ZNF117: variants seen among roughly 807,000 people sequenced by gnomAD.
ZNF117 encodes Krueppel-related zinc finger protein.
In ZNF117, 37 loss-of-function variants were observed where a neutral mutation model predicts 41.2. That is an observed-to-expected ratio of 0.90 (90% CI 0.69 to 1.18). The LOEUF is 1.18. ZNF117 is among the 50% of genes most tolerant of loss of function. The pLI is 0.00. For synonymous variants in ZNF117, 186 were observed against 186.6 expected (o/e 1.00, Z 0.02); for missense variants, 546 against 557.5 (o/e 0.98, Z 0.21).
chr7:64,978,049 T>C, exon 3 of ZNF117: 1 of 1,496,630 alleles, frequency 6.7e-7, no homozygotes, highest in East Asian at 2.3e-5. Context: ...TTAGAAGTTT[T>C]GCCACATTCT....
downstream of ZNF117, chr7:64,972,763 G>A (rs971794191): frequency 1.3e-5 from 2 of 152,028 alleles, no homozygotes; most frequent in African/African-American, 4.8e-5. Context: ...TAATGTAGTT[G>A]TGTTTTTGAA....
chr7:64,985,368 T>G (rs1272791882), upstream of ZNF117, among the ~76,000 whole-genome samples: 2 of 152,256 alleles, frequency 1.3e-5, no homozygotes, highest in Admixed American at 6.5e-5. Flanking sequence ...TCAAAGGAAC[T>G]TAGTATCTTT....
exon 3 of ZNF117, chr7:64,975,334 T>C (rs1785860709): frequency 7.3e-6 from 1 of 137,058 alleles, no homozygotes; most frequent in African/African-American, 2.7e-5. Context: ...CTAATTTTAA[T>C]TTAATTTTAA....
At chr7:64,987,490 A>G (rs1271094581) in intron 1 of ZNF117, among the ~76,000 whole-genome samples, 1 of 152,222 alleles carries the variant, frequency 6.6e-6, no homozygotes, top group East Asian at 1.9e-4. Context: ...ACAAAAGATC[A>G]AGAAATCCAG....
At chr7:64,989,470 T>C (rs1220778481) in intron 1 of ZNF117, among the ~76,000 whole-genome samples, 4 of 106,646 alleles carry the variant, frequency 3.8e-5, no homozygotes, top group South Asian at 3.2e-4. Flanking sequence ...TATATATATA[T>C]ATATATATAT....
intron 1 of ZNF117, among the ~76,000 whole-genome samples, chr7:64,988,567 T>A (rs1786184239): frequency 6.6e-6 from 1 of 152,072 alleles, no homozygotes; most frequent in Non-Finnish European, 1.5e-5. Context: ...CTCTCACCAC[T>A]CCTATTCAAC....
chr7:64,987,117 T>C (rs1417555742), upstream of ZNF117, among the ~76,000 whole-genome samples: 1 of 152,048 alleles, frequency 6.6e-6, no homozygotes, highest in Non-Finnish European at 1.5e-5. Context: ...CACAACTTGA[T>C]ACAAATATAA....
Position 64,990,399 on chromosome 7 carries a change from C to T in ZNF117, c.-648G>A, listed in dbSNP as rs147318724. ...TTTATTTAGGTGGCCACTGGCCCAG[C>T]GGATTAACATCCAAAGGCTGAGCCC... On this transcript the variant is annotated 5_prime_UTR_variant, in exon 1 of 4. Transcript: ENST00000282869. 1.9e-3 allele frequency: 348 copies of T among 184,874 alleles called. 1 individual carries two copies. Among genetic ancestry groups the T allele is most frequent in the African/African-American group, 6.3e-3 (264 of 41,692 alleles). The allele number at this position is 184,874 out of a possible 1,614,324, so 11.5% of individuals were successfully genotyped here. A position where few individuals can be genotyped will look rare whatever the true frequency, so the allele number is the denominator to read the frequency against.
upstream of ZNF117, among the ~76,000 whole-genome samples, chr7:64,986,457 G>T (rs542545820): frequency 6.6e-6 from 1 of 152,206 alleles, no homozygotes; most frequent in South Asian, 2.1e-4. Flanking sequence ...AAAAATGCAG[G>T]TAATCTGCAT....
At chr7:64,977,816 G>A in exon 3 of ZNF117, 1 of 1,061,004 alleles carries the variant, frequency 9.4e-7, no homozygotes, top group Non-Finnish European at 1.4e-6. Flanking sequence ...CTTCACATTT[G>A]TAGGGTTTCT....
At chr7:64,976,743 C>G (rs12530729) in exon 3 of ZNF117, 137,878 of 356,128 alleles carry the variant, frequency 0.39, 27,345 homozygotes, top group African/African-American at 0.43. Context: ...AGATTTCTCA[C>G]CAGTATGATT....
chr7:64,975,023 C>A (rs1028565551), exon 3 of ZNF117: 1 of 151,652 alleles, frequency 6.6e-6, no homozygotes, highest in Non-Finnish European at 1.5e-5. Flanking sequence ...AAAATTTAAC[C>A]TATGGGAACA....
At position 64,975,664 on chromosome 7, in the gene ZNF117, G is replaced by GA. The variant is rs1249044521; in HGVS notation, c.*2454dup. On this transcript the variant is annotated 3_prime_UTR_variant, in exon 3 of 3. Coordinates refer to ENST00000620222, the Ensembl canonical transcript of ZNF117. ...TTAAAAATTTTGTAATTTTTTCAAA[G>GA]AAAAAAGTATACTTTAAATGTAATT... 6 of 151,852 alleles carry GA rather than the reference G, an allele frequency of 4.0e-5. No homozygotes were observed. The South Asian group carries it at 1.2e-3, about 31-fold the overall frequency. 9.4% of individuals were successfully genotyped at this position (151,852 alleles called of 1,614,324 possible).
At chr7:64,989,188 CACAT>C (rs1786199006) in intron 1 of ZNF117, among the ~76,000 whole-genome samples, 1 of 150,744 alleles carries the variant, frequency 6.6e-6, no homozygotes, top group Admixed American at 6.6e-5. Flanking sequence ...CACACACACA[CACAT>C]ATATATAAAC....
At chr7:64,980,982 C>A (rs79805339) in intron 2 of ZNF117, 2,111 of 76,744 alleles carry the variant, frequency 0.028, 40 homozygotes, top group African/African-American at 0.11. Context: ...AACAAAAAAA[C>A]CAATGGAACA....
exon 3 of ZNF117, chr7:64,977,704 T>C (rs1252331594): frequency 4.7e-6 from 4 of 847,970 alleles, no homozygotes; most frequent in East Asian, 8.0e-5. Context: ...ACGTATAGGT[T>C]GAAAGCTTTG....
chr7:64,976,971 C>T (rs760325697), exon 3 of ZNF117: 34 of 534,540 alleles, frequency 6.4e-5, no homozygotes, highest in African/African-American at 6.4e-4. Flanking sequence ...ACATTCTTCA[C>T]ATTTGTAGGG....
At chr7:64,981,275 C>T (rs1786026868) in intron 2 of ZNF117, 112 bp downstream of exon 3, 46 of 1,405,482 alleles carry the variant, frequency 3.3e-5, no homozygotes, top group Non-Finnish European at 4.5e-5. Context: ...CTCGGGCTTT[C>T]CAGAAACTAT....
exon 3 of ZNF117, chr7:64,979,323 C>T (rs3807069): frequency 0.39 from 612,452 of 1,589,280 alleles, 119,242 homozygotes; most frequent in East Asian, 0.41. Flanking sequence ...ATATTTATTA[C>T]ATTGAAATAT....
Sources: gnomAD v4.1 joint callset for allele counts (sites outside exome capture counted in the v4.1 genomes callset) on GRCh38, gnomAD v4.1.1 for gene constraint, MANE v1.5 for transcripts, NCBI Gene and HGNC (gene_info 2026-07-23, HGNC 2026-07-21) for gene names.